The following LRRIQ1 variants were observed in gnomAD, a reference collection of about 807,000 sequenced individuals.
The protein encoded by LRRIQ1 is leucine rich repeats and IQ motif containing 1, also known as leucine-rich repeat- and IQ domain-containing protein 1.
In LRRIQ1, 210 loss-of-function variants were observed where a neutral mutation model predicts 211.9. The observed-to-expected ratio is 0.99, with a 90% confidence interval of 0.89 to 1.11. The LOEUF (loss-of-function observed/expected upper bound fraction) is 1.11. LRRIQ1 is among the 50% of genes most tolerant of loss of function. The pLI, the probability that LRRIQ1 is intolerant of heterozygous loss-of-function variation, is 0.00. For missense variants in LRRIQ1, 2,136 were observed against 1,939.5 expected, an observed-to-expected ratio of 1.10 and a Z score of -1.90; for synonymous variants, 699 against 650.1, an observed-to-expected ratio of 1.08 and a Z score of -1.14.
chr12:85,113,601 G>C (rs565460142), intron 15 of LRRIQ1, among the ~76,000 whole-genome samples: 1 of 151,946 alleles, frequency 6.6e-6, no homozygotes, highest in Non-Finnish European at 1.5e-5. Flanking sequence ...ATGTGTAAAG[G>C]CTTGAGAAAT....
rs888797530 is a variant in LRRIQ1 at position 85,098,445 on chromosome 12, T to C, written c.2978T>C (p.Ile993Thr). 1.2e-6 allele frequency: 2 copies of C among 1,610,598 alleles called. No homozygotes were observed. Among genetic ancestry groups the C allele is most frequent in the Non-Finnish European group, 1.7e-6 (2 of 1,177,646 alleles). ...AAAGGTCTTTGTGATACACCTACCA[T>C]TGTATACCTAGATTGCTCCCATAAT... ...NTKGLCDTPT[I>T]VYLDCSHNHL... The change falls in exon 12 of 27, where the codon ATT becomes ACT. Residue 993 changes from isoleucine (I) to threonine (T), a missense_variant. Ile to Thr is a moderately conservative substitution (Grantham distance 89). Coordinates refer to ENST00000393217, the MANE Select transcript of LRRIQ1 (RefSeq NM_001079910.2).
At chr12:85,268,296 G>A (rs1445713985), downstream of LRRIQ1, among the ~76,000 whole-genome samples, 1 of 151,708 alleles carries the variant, frequency 6.6e-6, no homozygotes, top group African/African-American at 2.4e-5. Flanking sequence ...AAATGTAAAA[G>A]GTATAAATTT....
intron 24 of LRRIQ1, among the ~76,000 whole-genome samples, chr12:85,183,160 G>A (rs1337822819): frequency 6.6e-6 from 1 of 152,064 alleles, no homozygotes; most frequent in African/African-American, 2.4e-5. Flanking sequence ...AATTTCTTAA[G>A]TTTTAGTAAT....
intron 8 of LRRIQ1, among the ~76,000 whole-genome samples, chr12:85,058,073 C>T (rs1329594370): frequency 6.6e-6 from 1 of 151,752 alleles, no homozygotes; most frequent in Non-Finnish European, 1.5e-5. Flanking sequence ...CAAAGAAAAC[C>T]CAGTCTTTTA....
chr12:85,256,378 ATT>A (rs1484640688), intron 1 of LRRIQ1, among the ~76,000 whole-genome samples: 1 of 151,390 alleles, frequency 6.6e-6, no homozygotes, highest in East Asian at 1.9e-4. Flanking sequence ...TATTTTTGTT[ATT>A]TTTTTCTTTC....
chr12:85,199,632 G>A (rs1200587027), intron 24 of LRRIQ1, among the ~76,000 whole-genome samples: 1 of 152,096 alleles, frequency 6.6e-6, no homozygotes, highest in Non-Finnish European at 1.5e-5. Context: ...CATTGCTGGG[G>A]GAGGCCTCAG....
intron 24 of LRRIQ1, among the ~76,000 whole-genome samples, chr12:85,207,373 GA>G (rs1256072187): frequency 5.3e-5 from 8 of 151,048 alleles, no homozygotes; most frequent in African/African-American, 1.2e-4. Flanking sequence ...CATGTGTCCT[GA>G]AAAAAAAATT....
At chr12:85,195,637 A>G (rs1301403127) in intron 24 of LRRIQ1, among the ~76,000 whole-genome samples, 1 of 151,476 alleles carries the variant, frequency 6.6e-6, no homozygotes, top group African/African-American at 2.4e-5. Context: ...CCTTCATGCT[A>G]AAAACTCTCA....
chr12:85,128,207 T>C (rs1298713218), intron 18 of LRRIQ1, among the ~76,000 whole-genome samples, 174 bp downstream of exon 18: 1 of 152,226 alleles, frequency 6.6e-6, no homozygotes, highest in African/African-American at 2.4e-5. Context: ...GCGGGTTGGC[T>C]GTGGCTCTGC....
At position 85,057,095 on chromosome 12, in the gene LRRIQ1, A is replaced by C. The variant is rs369919777; in HGVS notation, c.2302A>C (p.Lys768Gln). 5 of 1,607,130 alleles carry C rather than the reference A, an allele frequency of 3.1e-6. No individual in the cohort carries two copies. Among genetic ancestry groups the C allele is most frequent in the Non-Finnish European group, 3.4e-6 (4 of 1,177,882 alleles). The change falls in exon 8 of 27, where the codon AAG becomes CAG. Residue 768 changes from lysine (K) to glutamine (Q), a missense_variant. Physicochemically the swap from Lys to Gln is moderately conservative, Grantham distance 53. Coordinates refer to ENST00000393217, the MANE Select transcript of LRRIQ1 (RefSeq NM_001079910.2). ...QNQQKKIVRR[K>Q]RPVKCPANMT... is the part of the protein sequence containing the mutation. ...TCAACAAAAGAAAATTGTTAGAAGA[A>C]AGAGACCTGTGAAATGCCCAGCCAA...
downstream of LRRIQ1, chr12:85,264,476 G>GT: frequency 6.6e-6 from 1 of 151,948 alleles, no homozygotes; most frequent in East Asian, 1.9e-4. Context: ...GAAACTGGAA[G>GT]TTTTTTTATA....
At chr12:85,153,806 T>A in intron 22 of LRRIQ1, 48 bp downstream of exon 22, 1 of 1,202,426 alleles carries the variant, frequency 8.3e-7, no homozygotes, top group Middle Eastern at 2.3e-4. Flanking sequence ...GAGAGATTGC[T>A]AAAAGTCCAA....
intron 24 of LRRIQ1, among the ~76,000 whole-genome samples, chr12:85,197,341 G>T (rs1334890400): frequency 6.6e-6 from 1 of 151,960 alleles, no homozygotes; most frequent in African/African-American, 2.4e-5. Context: ...TATACCCAAA[G>T]GACTATAAAT....
chr12:85,234,072 A>C (rs1000305529), intron 26 of LRRIQ1, among the ~76,000 whole-genome samples: 2 of 143,688 alleles, frequency 1.4e-5, no homozygotes, highest in Non-Finnish European at 3.0e-5. Context: ...CTCTACCCCC[A>C]AAAATACAAA....
chr12:85,263,693 A>G (rs1896360092), exon 2 of LRRIQ1: 1 of 152,008 alleles, frequency 6.6e-6, no homozygotes, highest in Non-Finnish European at 1.5e-5. Flanking sequence ...ACCCTTATTT[A>G]TAGAGGTAGA....
chr12:85,234,516 T>C (rs972674615), intron 26 of LRRIQ1, among the ~76,000 whole-genome samples: 2 of 152,140 alleles, frequency 1.3e-5, no homozygotes, highest in Non-Finnish European at 2.9e-5. Context: ...ATTGAGTGGA[T>C]GCAGGGAAAG....
intron 19 of LRRIQ1, among the ~76,000 whole-genome samples, chr12:85,140,171 T>C (rs1208784377): frequency 6.6e-6 from 1 of 151,366 alleles, no homozygotes; most frequent in African/African-American, 2.4e-5. Context: ...TTTGAAAATA[T>C]TGAGTAAATC....
intron 1 of LRRIQ1, among the ~76,000 whole-genome samples, chr12:85,256,725 T>C (rs1896105886): frequency 6.6e-6 from 1 of 151,354 alleles, no homozygotes; most frequent in African/African-American, 2.4e-5. Context: ...AGTATGACAG[T>C]TTCTAACATT....
chr12:85,106,730 A>T (rs1372062433), intron 15 of LRRIQ1, 115 bp downstream of exon 15: 13 of 717,416 alleles, frequency 1.8e-5, no homozygotes, highest in Non-Finnish European at 2.9e-5. Flanking sequence ...TAAAAAATTA[A>T]AAGTCATTTT....
Sources: gnomAD v4.1 joint callset for allele counts (sites outside exome capture counted in the v4.1 genomes callset) on GRCh38, gnomAD v4.1.1 for gene constraint, MANE v1.5 for transcripts, NCBI Gene and HGNC (gene_info 2026-07-23, HGNC 2026-07-21) for gene names.